Variants in NECAP1 observed in about 807,000 individuals in gnomAD.
The protein encoded by NECAP1 is NECAP endocytosis associated 1, also known as adaptin ear-binding coat-associated protein 1.
A neutral mutation model predicts 33.4 loss-of-function variants in NECAP1; 13 were observed. That is an observed-to-expected ratio of 0.39 (90% CI 0.25 to 0.62). NECAP1 has a LOEUF of 0.62. Ranked by LOEUF, NECAP1 falls within the 20% of genes least tolerant of loss-of-function variation. The pLI is 0.52. For missense variants in NECAP1, 272 were observed against 347.4 expected (o/e 0.78, Z 1.73); for synonymous variants, 109 against 125.2 (o/e 0.87, Z 0.86).
At position 8,089,784 on chromosome 12, in the gene NECAP1, G is replaced by T. The variant is rs148532120; in HGVS notation, c.96-152G>T. 79 of 651,360 alleles carry T rather than the reference G, an allele frequency of 1.2e-4. No individual in the cohort carries two copies. In the East Asian group the frequency reaches 2.0e-3, roughly 16 times the overall value. The allele number at this position is 651,360 out of a possible 1,614,324, so 40.3% of individuals were successfully genotyped here. ...TGCTTTGGACTGTATGTAACATGAG[G>T]CATCTAAATAGATCATGAATTATTC... On this transcript the variant is annotated intron_variant, in intron 1 of 7. Coordinates refer to ENST00000339754, the MANE Select transcript of NECAP1 (RefSeq NM_015509.4).
intron 1 of NECAP1, chr12:8,082,867 C>G (rs898538269): frequency 6.5e-6 from 1 of 154,126 alleles, no homozygotes; most frequent in Non-Finnish European, 1.4e-5. Context: ...GCTTGCCACT[C>G]TGGATTATCT....
chr12:8,091,451 G>T, intron 3 of NECAP1: 1 of 330,310 alleles, frequency 3.0e-6, no homozygotes, highest in Non-Finnish European at 5.6e-6. Context: ...CGGGGGTGAT[G>T]GGAGACAGTG....
At position 8,092,905 on chromosome 12, in the gene NECAP1, C is replaced by G. The variant is rs1263957274; in HGVS notation, c.526C>G (p.Pro176Ala). 1 of 1,582,938 alleles carries G rather than the reference C, an allele frequency of 6.3e-7. No homozygotes were observed. Among genetic ancestry groups the G allele is most frequent in the Non-Finnish European group, 8.6e-7 (1 of 1,166,156 alleles). Reference protein sequence around the residue: ...ITNKKGGASKPRTARGGGLSL... With the variant: ...ITNKKGGASKARTARGGGLSL... ...AAACAAGAAAGGAGGTGCTTCTAAG[C>G]CCAGGACTGCAAGGGGTGGGGGTCT... The change falls in exon 6 of 8, where the codon CCC becomes GCC. Residue 176 changes from proline to alanine, a missense_variant. Transcript: ENST00000339754.
At chr12:8,087,468 CAA>C (rs939452987) in intron 1 of NECAP1, among the ~76,000 whole-genome samples, 3 of 149,930 alleles carry the variant, frequency 2.0e-5, no homozygotes, top group Non-Finnish European at 3.0e-5. Flanking sequence ...ACTAGATACA[CAA>C]GAGAAATAAG....
Position 8,096,618 on chromosome 12 carries a change from T to A in NECAP1, c.*528T>A, listed in dbSNP as rs1743199404. The A allele has an allele frequency of 6.5e-6, 1 of 153,362 alleles. No homozygotes were observed. The highest frequency in any genetic ancestry group is 1.5e-5 in the Non-Finnish European group (1 of 68,554). 9.5% of individuals were successfully genotyped at this position (153,362 alleles called of 1,614,324 possible). On this transcript the variant is annotated 3_prime_UTR_variant, in exon 8 of 8. Coordinates refer to ENST00000339754, the MANE Select transcript of NECAP1 (RefSeq NM_015509.4). ...ATAGGGGTAGATATGGAGAAAGACC[T>A]ATTTCCTGGGTCTCTGCTGTGTAGT...
At chr12:8,082,772 TCTCACACACACACACACA>T (rs1334982959) in intron 1 of NECAP1, 161 of 114,756 alleles carry the variant, frequency 1.4e-3, no homozygotes, top group South Asian at 5.0e-3. Context: ...TCTCTCTCTC[TCTCACACACACACACACA>T]CACACACACA....
rs1591598134 is a variant in NECAP1, at chr12:8,097,591, A to G, written c.*1501A>G. 2 of 152,634 alleles carry G rather than the reference A, an allele frequency of 1.3e-5. No individual in the cohort carries two copies. Among genetic ancestry groups the G allele is most frequent in the Non-Finnish European group, 2.9e-5 (2 of 68,034 alleles). The allele number at this position is 152,634 out of a possible 1,614,324, so 9.5% of individuals were successfully genotyped here. The stretch of plus-strand genomic sequence containing the variant: ...TAAAAGGAAAGTCTGTGGAATCACT[A>G]GTGACTAAATACTGGGAACCTATTT... On this transcript the variant is annotated 3_prime_UTR_variant, in exon 8 of 8. Coordinates refer to ENST00000339754, the MANE Select transcript of NECAP1 (RefSeq NM_015509.4).
intron 3 of NECAP1, 110 bp from the exon 4 acceptor site, chr12:8,091,659 A>T: frequency 2.3e-6 from 2 of 881,348 alleles, no homozygotes; most frequent in Non-Finnish European, 1.9e-6. Context: ...TGTGCAACTC[A>T]CCTCCTGCTG....
chr12:8,090,362 A>G, intron 3 of NECAP1, 63 bp downstream of exon 3: 1 of 1,385,690 alleles, frequency 7.2e-7, no homozygotes, highest in Non-Finnish European at 1.0e-6. Context: ...ACAGCCATGA[A>G]AAGTGTTTCC....
chr12:8,089,919 C>G lies in NECAP1; in HGVS notation c.96-17C>G, dbSNP rs774042265. 3.1e-6 allele frequency: 5 copies of G among 1,599,838 alleles called. No homozygotes were observed. The South Asian group carries it at 4.4e-5, about 14-fold the overall frequency. ...ATTAAGGACATGTGCCTGAGGCTTC[C>G]TCTTTTCCTGTCCTAGGGCCTCTGA... On this transcript the variant is annotated splice_polypyrimidine_tract_variant and intron_variant, in intron 1 of 7. Coordinates refer to ENST00000339754, the MANE Select transcript of NECAP1 (RefSeq NM_015509.4).
intron 1 of NECAP1, chr12:8,082,752 A>G (rs968708204): frequency 5.3e-6 from 1 of 190,376 alleles, no homozygotes; most frequent in African/African-American, 2.8e-5. Flanking sequence ...TATCATCCTC[A>G]TCCTTTCTCT....
rs1307168370 is a variant in NECAP1 at position 8,097,708 on chromosome 12, TA to T, written c.*1619del. 6.6e-6 allele frequency: 1 copy of T among 152,660 alleles called. No individual in the cohort carries two copies. The highest frequency in any genetic ancestry group is 1.9e-4 in the East Asian group (1 of 5,204). 9.5% of individuals were successfully genotyped at this position (152,660 alleles called of 1,614,324 possible). On this transcript the variant is annotated 3_prime_UTR_variant, in exon 8 of 8. Transcript: ENST00000339754. ...CCTGAAAAATGGAAAATGTTTAAGATATATGTATATAAAGTGTATGCTGTAT... is the reference window on the plus strand; with the variant it reads ...CCTGAAAAATGGAAAATGTTTAAGATTATGTATATAAAGTGTATGCTGTAT...
intron 1 of NECAP1, among the ~76,000 whole-genome samples, chr12:8,086,989 T>C (rs1947496610): frequency 6.7e-6 from 1 of 149,926 alleles, no homozygotes. Flanking sequence ...AAAACAGTTT[T>C]CCAACCTATA....
Position 8,082,376 on chromosome 12 carries a change from G to A in NECAP1, c.88G>A (p.Gly30Ser), listed in dbSNP as rs147832660. The change falls in exon 1 of 8, where the codon GGT becomes AGT. Residue 30 changes from glycine (G) to serine (S), a missense_variant. Coordinates refer to ENST00000339754, the MANE Select transcript of NECAP1 (RefSeq NM_015509.4). ...GATTCCGCCCCGGGCCTCCAACCGCGGTTACAGGTACTAACCCCGAGGCGC... is the reference window on the plus strand; with the variant it reads ...GATTCCGCCCCGGGCCTCCAACCGCAGTTACAGGTACTAACCCCGAGGCGC... Reference protein sequence around the residue: ...YRIPPRASNRGYRASDWKLDQ... With the variant: ...YRIPPRASNRSYRASDWKLDQ... The A allele has an allele frequency of 9.9e-6, 16 of 1,613,522 alleles. No individual in the cohort carries two copies. The highest frequency in any genetic ancestry group is 8.8e-5 in the South Asian group (8 of 91,058).
At chr12:8,085,830 A>G (rs968427592) in intron 1 of NECAP1, among the ~76,000 whole-genome samples, 3 of 150,656 alleles carry the variant, frequency 2.0e-5, no homozygotes, top group Admixed American at 6.7e-5. Context: ...CAGCCTCCTG[A>G]GTAGTTGAGA....
intron 1 of NECAP1, among the ~76,000 whole-genome samples, chr12:8,083,489 G>T (rs1188258136): frequency 7.8e-6 from 1 of 127,950 alleles, no homozygotes; most frequent in Non-Finnish European, 1.5e-5. Flanking sequence ...GAGCGCAATG[G>T]CTCAATCTCA....
intron 3 of NECAP1, chr12:8,090,668 C>T (rs754666582): frequency 2.9e-4 from 50 of 174,542 alleles, no homozygotes; most frequent in South Asian, 5.8e-4. Flanking sequence ...ATTAGCCAGG[C>T]GTGGTGGCAG....
At chr12:8,083,494 A>G (rs1199099145) in intron 1 of NECAP1, among the ~76,000 whole-genome samples, 1 of 128,892 alleles carries the variant, frequency 7.8e-6, no homozygotes, top group African/African-American at 3.0e-5. Context: ...CAATGGCTCA[A>G]TCTCAGCTCA....
Position 8,092,855 on chromosome 12 carries a change from C to CT in NECAP1, c.493-10dup, listed in dbSNP as rs1947562159. On this transcript the variant is annotated splice_polypyrimidine_tract_variant and intron_variant, in intron 5 of 7. Coordinates refer to ENST00000339754, the MANE Select transcript of NECAP1 (RefSeq NM_015509.4). ...CCTATGACATCTTTCTCTTGCTCTT[C>CT]TTTTTTTCTTTTGTAGAACATTACA... The CT allele has an allele frequency of 6.3e-7, 1 of 1,575,362 alleles. No homozygotes were observed. The highest frequency in any genetic ancestry group is 1.4e-5 in the African/African-American group (1 of 73,026).
Sources: allele counts gnomAD v4.1 joint callset (sites outside exome capture counted in the v4.1 genomes callset), GRCh38; gene constraint gnomAD v4.1.1; transcripts MANE v1.5; gene names NCBI Gene and HGNC (gene_info 2026-07-23, HGNC 2026-07-21).